SCAP: variants seen among roughly 807,000 people sequenced by gnomAD.
The protein encoded by SCAP is sterol regulatory element-binding protein cleavage-activating protein.
SCAP carries 65 observed loss-of-function variants against 123.6 expected under a neutral mutation model. The ratio of observed to expected loss-of-function variants is 0.53; its 90% CI spans 0.43 to 0.65. The LOEUF (loss-of-function observed/expected upper bound fraction) is 0.65, where lower values mean the gene tolerates loss of function less well. Among genes scored for constraint, SCAP ranks in the 30% least tolerant of loss-of-function variants. The probability of loss-of-function intolerance (pLI) is 0.00; values close to 1 mark genes in which losing one functional copy is unlikely to be tolerated. For missense variants in SCAP, 1,398 were observed against 1,712.5 expected (o/e 0.82, Z 3.24); for synonymous variants, 740 against 726.3 (o/e 1.02, Z -0.30).
chr3:47,417,538 G>T lies in SCAP; in HGVS notation c.2736C>A (p.Phe912Leu), dbSNP rs549194330. Residue 912 changes from phenylalanine to leucine, a missense_variant, in exon 17 of 23, where the codon TTC becomes TTA. Coordinates refer to ENST00000265565, the MANE Select transcript of SCAP (RefSeq NM_012235.4). The stretch of plus-strand genomic sequence containing the variant: ...GGTACACCCGCTGCACCAGGCAGCT[G>T]AAGTCATAGCCTGGGGAGTCCCGAG... ...GRSRDSPGYD[F>L]SCLVQRVYQE... 1.9e-6 allele frequency: 3 copies of T among 1,570,030 alleles called. No homozygotes were observed. The highest frequency in any genetic ancestry group is 2.7e-5 in the African/African-American group (2 of 74,478).
At position 47,414,942 on chromosome 3, in the gene SCAP, T is replaced by G. The variant is rs1272984976; in HGVS notation, c.3191A>C (p.Asp1064Ala). Residue 1064 changes from aspartate to alanine, a missense_variant, in exon 20 of 23, where the codon GAC (aspartate) becomes GCC (alanine). Around this residue, in one of 7 missense-constraint regions of SCAP, gnomAD observed 828 missense variants for 882.5 expected, o/e 0.94. Transcript: ENST00000265565. The stretch of plus-strand genomic sequence containing the variant: ...GTGGGTCAGGTGACAGGCCACTGTG[T>G]CGCTGCTGCTGTACACTGGAGAGGC... Reference protein sequence around the residue: ...SPASPVYSSSDTVACHLTHTV... With the variant: ...SPASPVYSSSATVACHLTHTV... The G allele has an allele frequency of 6.2e-7, 1 of 1,611,564 alleles. No individual in the cohort carries two copies. Among genetic ancestry groups the G allele is most frequent in the Admixed American group, 1.7e-5 (1 of 59,830 alleles).
chr3:47,414,273 G>A lies in SCAP; in HGVS notation c.3501C>T (p.Thr1167=). ...TGCTGATGACACAGGAGGTGGTACA[G>A]GTAAGGGAGGTGACATCCCCACGGT... is the stretch of plus-strand genomic sequence containing the variant. The part of the protein sequence containing the change: ...FAHRGDVTSL[T]CTTSCVISSG... Residue 1167 remains threonine (T), a synonymous_variant, in exon 22 of 23, where the codon ACC becomes ACT. Coordinates refer to ENST00000265565, the MANE Select transcript of SCAP (RefSeq NM_012235.4). 2.5e-6 allele frequency: 4 copies of A among 1,613,548 alleles called. No homozygotes were observed. The highest frequency in any genetic ancestry group is 1.7e-6 in the Non-Finnish European group (2 of 1,180,024).
chr3:47,464,102 G>A (rs534062046), intron 1 of SCAP, among the ~76,000 whole-genome samples: 5 of 152,150 alleles, frequency 3.3e-5, no homozygotes, highest in Admixed American at 1.3e-4. Flanking sequence ...TGCAACCTCC[G>A]CCTCCCAGGT....
rs2107797797 is a variant in SCAP at position 47,422,341 on chromosome 3, T to A, written c.1245+101A>T. On this transcript the variant is annotated intron_variant, in intron 10 of 22. Coordinates refer to ENST00000265565, the MANE Select transcript of SCAP (RefSeq NM_012235.4). Reference sequence around the variant, plus strand: ...AGAGGTCCCACCTCAGAAGCAAGGATGCCTGTGCTGAAGAGGGGAGCACCC... The same window carrying A: ...AGAGGTCCCACCTCAGAAGCAAGGAAGCCTGTGCTGAAGAGGGGAGCACCC... The A allele has an allele frequency of 3.1e-6, 3 of 970,522 alleles. No individual in the cohort carries two copies. In the South Asian group the frequency reaches 4.7e-5, roughly 15 times the overall value. The allele number at this position is 970,522 out of a possible 1,614,324, so 60.1% of individuals were successfully genotyped here.
At chr3:47,415,202 C>T (rs979136979) in intron 18 of SCAP, 22 bp from the exon 19 acceptor site, 1 of 1,595,394 alleles carries the variant, frequency 6.3e-7, no homozygotes, top group Admixed American at 1.8e-5. Context: ...GAACAGCTGC[C>T]AGGGGCCTCT....
chr3:47,438,239 C>T (rs985259119), intron 2 of SCAP, among the ~76,000 whole-genome samples: 34 of 152,294 alleles, frequency 2.2e-4, no homozygotes, highest in African/African-American at 7.7e-4. Context: ...ATGTTAATTA[C>T]AGAAAACAAT....
chr3:47,430,715 G>C (rs551425070), intron 3 of SCAP, among the ~76,000 whole-genome samples: 6 of 152,234 alleles, frequency 3.9e-5, no homozygotes, highest in Non-Finnish European at 5.9e-5. Flanking sequence ...CTCCCCGGGA[G>C]TTGGTGACAA....
chr3:47,458,410 C>T (rs918571125), intron 1 of SCAP, among the ~76,000 whole-genome samples: 1 of 152,102 alleles, frequency 6.6e-6, no homozygotes, highest in African/African-American at 2.4e-5. Flanking sequence ...GCCTGGGCAA[C>T]AGGGGCAAAA....
At position 47,435,159 on chromosome 3, in the gene SCAP, T is replaced by C. The variant is rs200322305; in HGVS notation, c.123-22A>G. 8.7e-6 allele frequency: 14 copies of C among 1,607,132 alleles called. No homozygotes were observed. In the African/African-American group the frequency reaches 1.6e-4, roughly 18 times the overall value. The stretch of plus-strand genomic sequence containing the variant: ...GTAGCTGGGATGTACAAAAAGGAGA[T>C]AAGAATTAGACACTATGAGAGGCAG... On this transcript the variant is annotated intron_variant, in intron 2 of 22. Coordinates refer to ENST00000265565, the MANE Select transcript of SCAP (RefSeq NM_012235.4).
chr3:47,437,887 G>C (rs1037711680), intron 2 of SCAP, among the ~76,000 whole-genome samples: 15 of 152,258 alleles, frequency 9.9e-5, no homozygotes, highest in African/African-American at 3.1e-4. Flanking sequence ...GAAATGGCTG[G>C]GTATGGAGTT....
At chr3:47,437,168 A>G (rs1706610398) in intron 2 of SCAP, among the ~76,000 whole-genome samples, 1 of 152,114 alleles carries the variant, frequency 6.6e-6, no homozygotes, top group South Asian at 2.1e-4. Flanking sequence ...GGCCAGGCAC[A>G]GTGGCTCACG....
chr3:47,415,585 T>C (rs1705536871), intron 18 of SCAP, among the ~76,000 whole-genome samples: 1 of 152,190 alleles, frequency 6.6e-6, no homozygotes, highest in Admixed American at 6.5e-5. Flanking sequence ...TGCGGAAGCC[T>C]GCATTCTCCA....
chr3:47,415,314 GC>G, intron 18 of SCAP, 134 bp from the exon 19 acceptor site: 2 of 721,182 alleles, frequency 2.8e-6, no homozygotes, highest in Non-Finnish European at 4.4e-6. Context: ...AGCACATGGT[GC>G]CAGAACAGAT....
chr3:47,476,323 T>C (rs549576043), upstream of SCAP, among the ~76,000 whole-genome samples: 4 of 152,076 alleles, frequency 2.6e-5, no homozygotes, highest in African/African-American at 9.7e-5. Context: ...TAGCCGGCTG[T>C]GGTGGCGCGC....
Position 47,419,322 on chromosome 3 carries a change from G to A in SCAP, c.1940+6C>T. 1 of 1,602,168 alleles carries A rather than the reference G, an allele frequency of 6.2e-7. No homozygotes were observed. Among genetic ancestry groups the A allele is most frequent in the Non-Finnish European group, 8.5e-7 (1 of 1,172,386 alleles). ...GTGAGGTGGCACCTGGCACGGCCCA[G>A]CTCACCTCTTGGCCAGTGTGATGTT... On this transcript the variant is annotated splice_donor_region_variant and intron_variant, in intron 13 of 22. Transcript: ENST00000265565. This position sits in a 1 kb window ranked among gnomAD's most constrained non-coding sequence, Gnocchi z 5.0.
Position 47,426,197 on chromosome 3 carries a change from T to C in SCAP, c.738-28A>G, listed in dbSNP as rs184893252. On this transcript the variant is annotated intron_variant, in intron 6 of 22. Coordinates refer to ENST00000265565, the MANE Select transcript of SCAP (RefSeq NM_012235.4). The stretch of plus-strand genomic sequence containing the variant: ...GGTCAAGGAGCAGGGTGGGGGTAAA[T>C]GGAAGTGTTGCTCTTGGTTCTGGGG... 108 of 1,603,060 alleles carry C rather than the reference T, an allele frequency of 6.7e-5. 1 individual carries two copies. In the East Asian group the frequency reaches 1.7e-3, roughly 26 times the overall value.
intron 2 of SCAP, among the ~76,000 whole-genome samples, chr3:47,438,729 G>A (rs11713842): frequency 2.6e-5 from 4 of 151,548 alleles, no homozygotes; most frequent in East Asian, 2.0e-4. Flanking sequence ...CAGGAGAATC[G>A]CTTGAACCCG....
In SCAP at chr3:47,433,905, G is replaced by A. The variant is rs1376262819; in HGVS notation, c.252+1103C>T. Among the ~76,000 whole-genome samples the A allele has an allele frequency of 2.0e-5, 3 of 152,236 alleles. No individual in the cohort carries two copies. In the East Asian group the frequency reaches 5.8e-4, roughly 29 times the overall value. On this transcript the variant is annotated intron_variant, in intron 3 of 22. Coordinates refer to ENST00000265565, the MANE Select transcript of SCAP (RefSeq NM_012235.4). ...AAAAAAATGGTTAATGAAGGTAAAA[G>A]GTTTAAGCAAGAAGGTCCCACAATG...
intron 6 of SCAP, among the ~76,000 whole-genome samples, chr3:47,426,640 T>G (rs1706144084): frequency 6.6e-6 from 1 of 152,086 alleles, no homozygotes; most frequent in Non-Finnish European, 1.5e-5. Context: ...GGTTTCACCG[T>G]GTTAGCCAGG....
Sources: gnomAD v4.1 joint callset for allele counts (sites outside exome capture counted in the v4.1 genomes callset) on GRCh38, gnomAD v4.1.1 for gene constraint, gnomAD v4.1.1 regional missense constraint, Gnocchi (gnomAD v3.1) non-coding constraint, MANE v1.5 for transcripts, NCBI Gene and HGNC (gene_info 2026-07-23, HGNC 2026-07-21) for gene names.